The following NXN variants were observed in gnomAD, a reference collection of about 807,000 sequenced individuals.
NXN encodes the protein nucleoredoxin 1.
Under a neutral mutation model 48.6 loss-of-function variants are expected in NXN, and 16 were observed. That is an observed-to-expected ratio of 0.33 (90% CI 0.22 to 0.50). The LOEUF is 0.50. Ranked by LOEUF, NXN falls within the 20% of genes least tolerant of loss-of-function variation. NXN has a pLI of 0.98. For missense variants in NXN, 492 were observed against 605.5 expected, an observed-to-expected ratio of 0.81 and a Z score of 1.97; for synonymous variants, 281 against 269.6, an observed-to-expected ratio of 1.04 and a Z score of -0.41.
At chr17:839,368 GA>G (rs983668688) in intron 1 of NXN, among the ~76,000 whole-genome samples, 7 of 152,030 alleles carry the variant, frequency 4.6e-5, no homozygotes, top group Non-Finnish European at 8.8e-5. Context: ...CTGGGAGGCG[GA>G]GGTTGCAGTG....
At chr17:831,478 T>TTTATTTATTTA (rs10675426) in intron 1 of NXN, among the ~76,000 whole-genome samples, 4,829 of 100,520 alleles carry the variant, frequency 0.048, 96 homozygotes, top group East Asian at 0.086. Flanking sequence ...TATTTATTTA[T>TTTATTTATTTA]TTATTATTTT....
At chr17:807,576 G>T (rs1441485439) in intron 5 of NXN, among the ~76,000 whole-genome samples, 1 of 151,964 alleles carries the variant, frequency 6.6e-6, no homozygotes, top group Non-Finnish European at 1.5e-5. Context: ...CGAGGACACG[G>T]AGCCCCCACC....
chr17:846,341 C>T (rs1318048014), intron 1 of NXN, among the ~76,000 whole-genome samples: 2 of 144,240 alleles, frequency 1.4e-5, no homozygotes, highest in Non-Finnish European at 3.0e-5. Context: ...TGCGTGAACC[C>T]GGGAGGTGGA....
At chr17:924,683 C>G (rs1175441138) in intron 1 of NXN, among the ~76,000 whole-genome samples, 1 of 151,670 alleles carries the variant, frequency 6.6e-6, no homozygotes, top group Non-Finnish European at 1.5e-5. Context: ...TCCATCTTCC[C>G]AAACTGAAAT....
rs745629834 is a variant in NXN, at chr17:830,343, A to G, written c.361-4265T>C. ...ACAATAAACAAGAATATAAACAGGA[A>G]ACTCATTTCAGACACCGAGAAGTAA... On this transcript the variant is annotated intron_variant, in intron 1 of 7. Transcript: ENST00000336868. This position sits in a 1 kb window ranked among gnomAD's most constrained non-coding sequence, Gnocchi z 4.2. Among the ~76,000 whole-genome samples, 1 of 152,108 alleles carries G rather than the reference A, an allele frequency of 6.6e-6. No individual in the cohort carries two copies. The highest frequency in any genetic ancestry group is 2.1e-4 in the South Asian group (1 of 4,814).
At chr17:904,326 C>T (rs1005106134) in intron 1 of NXN, among the ~76,000 whole-genome samples, 4 of 152,116 alleles carry the variant, frequency 2.6e-5, no homozygotes, top group Non-Finnish European at 5.9e-5. Flanking sequence ...GACAGACTGG[C>T]CCCAGTTTTA....
At chr17:924,717 CCG>C (rs1163880315) in intron 1 of NXN, among the ~76,000 whole-genome samples, 8 of 292 alleles carry the variant, frequency 0.027, no homozygotes, top group African/African-American at 0.038. Flanking sequence ...AAGACTAACT[CCG>C]TTCCGTTCCG....
intron 1 of NXN, among the ~76,000 whole-genome samples, chr17:837,788 C>G (rs529360910): frequency 6.6e-6 from 1 of 152,292 alleles, no homozygotes; most frequent in South Asian, 2.1e-4. Context: ...GGAAAGGGGC[C>G]GGGGGTCCGG....
At position 917,826 on chromosome 17, in the gene NXN, GA is replaced by G. The variant is rs2068703965; in HGVS notation, c.360+61492del. Among the ~76,000 whole-genome samples, 4 of 152,326 alleles carry G rather than the reference GA, an allele frequency of 2.6e-5. No homozygotes were observed. The South Asian group carries it at 8.3e-4, about 32-fold the overall frequency. On this transcript the variant is annotated intron_variant, in intron 1 of 7. Coordinates refer to ENST00000336868, the MANE Select transcript of NXN (RefSeq NM_022463.5). This position sits in a 1 kb window ranked among gnomAD's most constrained non-coding sequence, Gnocchi z 4.5. The stretch of plus-strand genomic sequence containing the variant: ...GGGGACAAGGGCGGATGGGAAAGGG[GA>G]TAAGCGACAGGAGAGGGGGGACTCC...
chr17:878,954 C>T (rs1050820474), intron 1 of NXN, among the ~76,000 whole-genome samples: 1 of 152,080 alleles, frequency 6.6e-6, no homozygotes, highest in African/African-American at 2.4e-5. Context: ...CACCTGAGGT[C>T]AGGAGTTCAA....
At chr17:953,963 TG>T (rs1311503066) in intron 1 of NXN, among the ~76,000 whole-genome samples, 8 of 152,178 alleles carry the variant, frequency 5.3e-5, no homozygotes, top group Admixed American at 1.3e-4. Flanking sequence ...TGTGGCTCCG[TG>T]CTGCGGCTCC....
intron 5 of NXN, among the ~76,000 whole-genome samples, chr17:812,200 T>A (rs370476853): frequency 3.9e-5 from 6 of 152,066 alleles, no homozygotes; most frequent in African/African-American, 1.2e-4. Context: ...GTGCTGGGAT[T>A]ACAGGCGTGA....
intron 1 of NXN, among the ~76,000 whole-genome samples, chr17:970,224 G>A (rs1006495174): frequency 6.6e-6 from 1 of 152,152 alleles, no homozygotes; most frequent in Non-Finnish European, 1.5e-5. Flanking sequence ...TCGTGGTGCA[G>A]AAAGCACAGG....
intron 2 of NXN, among the ~76,000 whole-genome samples, 199 bp from the exon 3 acceptor site, chr17:823,964 T>G (rs1231679380): frequency 6.6e-6 from 1 of 151,400 alleles, no homozygotes; most frequent in Non-Finnish European, 1.5e-5. Flanking sequence ...GGAATCAAAC[T>G]AGAGCCATTC....
At chr17:822,222 T>G in intron 4 of NXN, 135 bp downstream of exon 4, 2 of 551,654 alleles carry the variant, frequency 3.6e-6, no homozygotes, top group Non-Finnish European at 6.5e-6. Flanking sequence ...GAGGTTGCAG[T>G]GAGCTGAGAT....
At position 825,845 on chromosome 17, in the gene NXN, C is replaced by G. The variant is rs1265200727; in HGVS notation, c.478+116G>C. ...GACGACATTCTCTACCACGTAAACC[C>G]ACGTGTATCTATTTCACCAGTACTC... On this transcript the variant is annotated intron_variant, in intron 2 of 7. Transcript: ENST00000336868. This position sits in a 1 kb window ranked among gnomAD's most constrained non-coding sequence, Gnocchi z 4.1. 1 of 680,148 alleles carries G rather than the reference C, an allele frequency of 1.5e-6. No homozygotes were observed. The highest frequency in any genetic ancestry group is 2.6e-6 in the Non-Finnish European group (1 of 383,406). 42.1% of individuals were successfully genotyped at this position (680,148 alleles called of 1,614,324 possible). A position where few individuals can be genotyped will look rare whatever the true frequency, so the allele number is the denominator to read the frequency against.
rs1200548789 is a variant in NXN, at chr17:919,095, C to T, written c.360+60224G>A. Among the ~76,000 whole-genome samples, 3 of 151,696 alleles carry T rather than the reference C, an allele frequency of 2.0e-5. No individual in the cohort carries two copies. Among genetic ancestry groups the T allele is most frequent in the African/African-American group, 4.9e-5 (2 of 41,214 alleles). ...AAAAAAAAAATGTTTCAGCCAGGCT[C>T]GGTGGCTCACACCTGTAATCCCAGC... On this transcript the variant is annotated intron_variant, in intron 1 of 7. Transcript: ENST00000336868. This position sits in a 1 kb window ranked among gnomAD's most constrained non-coding sequence, Gnocchi z 5.1.
At chr17:842,994 A>AAGAG (rs1272596790) in intron 1 of NXN, among the ~76,000 whole-genome samples, 3 of 110,308 alleles carry the variant, frequency 2.7e-5, no homozygotes, top group Non-Finnish European at 5.6e-5. Context: ...GAAAGAGAGA[A>AAGAG]AGAGAGAAAG....
chr17:841,481 TC>T (rs1347548808), intron 1 of NXN, among the ~76,000 whole-genome samples: 19 of 139,968 alleles, frequency 1.4e-4, no homozygotes, highest in Admixed American at 5.8e-4. Flanking sequence ...GGCGAGCAGG[TC>T]CCCCCTGACC....
Sources: gnomAD v4.1 joint callset for allele counts (sites outside exome capture counted in the v4.1 genomes callset) on GRCh38, gnomAD v4.1.1 for gene constraint, Gnocchi (gnomAD v3.1) non-coding constraint, MANE v1.5 for transcripts, NCBI Gene and HGNC (gene_info 2026-07-23, HGNC 2026-07-21) for gene names.